Variants in ZNF396 observed in about 807,000 individuals in gnomAD.
The protein encoded by ZNF396 is zinc finger and SCAN domain-containing protein 14.
A neutral mutation model predicts 20.5 loss-of-function variants in ZNF396; 14 were observed. The ratio of observed to expected loss-of-function variants is 0.68; its 90% confidence interval spans 0.45 to 1.07. ZNF396 has a LOEUF of 1.07. Among genes scored for constraint, ZNF396 ranks in the 50% least tolerant of loss-of-function variants. The pLI is 0.00. For missense variants in ZNF396, 347 were observed against 390.1 expected, an observed-to-expected ratio of 0.89 and a Z score of 0.93; for synonymous variants, 119 against 140.6, an observed-to-expected ratio of 0.85 and a Z score of 1.08.
rs370731588 is a variant in ZNF396 at position 35,376,992 on chromosome 18, G to A, written c.-73+286C>T. Among the ~76,000 whole-genome samples, 1,015 of 152,242 alleles carry A rather than the reference G, an allele frequency of 6.7e-3. 46 individuals are homozygous for A. The highest frequency in any genetic ancestry group is 0.049 in the Admixed American group (746 of 15,298). On this transcript the variant is annotated intron_variant, in intron 1 of 3. Coordinates refer to ENST00000589332, the MANE Select transcript of ZNF396 (RefSeq NM_001322286.2). ...ACCGCGCCGCGCCGCGCGCCTCCCAGGCTGGGAACCGCCGGGGCGAAGCGG... is the reference window on the plus strand; with the variant it reads ...ACCGCGCCGCGCCGCGCGCCTCCCAAGCTGGGAACCGCCGGGGCGAAGCGG...
chr18:35,368,721 G>C lies in ZNF396; in HGVS notation c.*494C>G. ...CCTGCCTCGGCCTCCCAAAGTGCTA[G>C]GATTACAGGCATGAGCCAACCGCAC... On this transcript the variant is annotated 3_prime_UTR_variant, in exon 4 of 4. Coordinates refer to ENST00000589332, the MANE Select transcript of ZNF396 (RefSeq NM_001322286.2). The C allele has an allele frequency of 2.0e-6, 2 of 987,066 alleles. No individual in the cohort carries two copies. Among genetic ancestry groups the C allele is most frequent in the Non-Finnish European group, 2.4e-6 (2 of 830,914 alleles). 61.1% of individuals were successfully genotyped at this position (987,066 alleles called of 1,614,324 possible). A position where few individuals can be genotyped will look rare whatever the true frequency, so the allele number is the denominator to read the frequency against.
At chr18:35,369,721 TGATTATTGCTA>T in intron 3 of ZNF396, 61 bp from the exon 4 acceptor site, 1 of 1,455,248 alleles carries the variant, frequency 6.9e-7, no homozygotes, top group Non-Finnish European at 9.2e-7. Context: ...GAAATATACA[TGATTATTGCTA>T]GCATGTTTAT....
chr18:35,368,368 G>C lies in ZNF396; in HGVS notation c.*847C>G, dbSNP rs140572130. ...GCCTTTATTTATCTGCCTCCTGAAA[G>C]TGACCTGGGGCACTTCAGCCTAGTC... On this transcript the variant is annotated 3_prime_UTR_variant, in exon 4 of 4. Coordinates refer to ENST00000589332, the MANE Select transcript of ZNF396 (RefSeq NM_001322286.2). The C allele has an allele frequency of 4.1e-6, 6 of 1,450,712 alleles. No individual in the cohort carries two copies. The African/African-American group carries it at 7.2e-5, about 17-fold the overall frequency. The allele number at this position is 1,450,712 out of a possible 1,614,324, so 89.9% of individuals were successfully genotyped here.
rs1373853527 is a variant in ZNF396 at position 35,366,799 on chromosome 18, T to C, written c.*2416A>G. The C allele has an allele frequency of 3.3e-5, 5 of 152,216 alleles. No individual in the cohort carries two copies. The highest frequency in any genetic ancestry group is 7.2e-5 in the African/African-American group (3 of 41,446). The allele number at this position is 152,216 out of a possible 1,614,324, so 9.4% of individuals were successfully genotyped here. Reference sequence around the variant, plus strand: ...CAATGAATTCTCCTTTTATATAAACTAGTACCATTCACTCATTAGGATACC... The same window carrying C: ...CAATGAATTCTCCTTTTATATAAACCAGTACCATTCACTCATTAGGATACC... On this transcript the variant is annotated 3_prime_UTR_variant, in exon 4 of 4. Transcript: ENST00000589332.
Position 35,367,463 on chromosome 18 carries a change from C to A in ZNF396, c.*1752G>T, listed in dbSNP as rs746747617. On this transcript the variant is annotated 3_prime_UTR_variant, in exon 4 of 4. Transcript: ENST00000589332. ...CCAGACAAAGAAGTTTACTATGAGT[C>A]TCTTCCCTTATTCCAAGGACTTTGA... 1.3e-5 allele frequency: 2 copies of A among 152,202 alleles called. No homozygotes were observed. Among genetic ancestry groups the A allele is most frequent in the Non-Finnish European group, 1.5e-5 (1 of 68,034 alleles). The allele number at this position is 152,202 out of a possible 1,614,324, so 9.4% of individuals were successfully genotyped here.
Position 35,374,942 on chromosome 18 carries a change from T to G in ZNF396, c.-72-578A>C, listed in dbSNP as rs2045236773. On this transcript the variant is annotated intron_variant, in intron 1 of 3. Transcript: ENST00000589332. This position sits in a 1 kb window ranked among gnomAD's most constrained non-coding sequence, Gnocchi z 4.3. ...ATTACAATAAGAGATCAGCCAGGAT[T>G]GCATAGAAGCTCCCAGATAATGGAA... The G allele has an allele frequency of 6.6e-6, 1 of 152,204 alleles. No homozygotes were observed. Among genetic ancestry groups the G allele is most frequent in the South Asian group, 2.1e-4 (1 of 4,828 alleles). The allele number at this position is 152,204 out of a possible 1,614,324, so 9.4% of individuals were successfully genotyped here. A position where few individuals can be genotyped will look rare whatever the true frequency, so the allele number is the denominator to read the frequency against.
Position 35,374,269 on chromosome 18 carries a change from T to A in ZNF396, c.24A>T (p.Ser8=), listed in dbSNP as rs1268416642. Residue 8 remains serine (S), a synonymous_variant, in exon 2 of 4, where the codon TCA becomes TCT. Coordinates refer to ENST00000589332, the MANE Select transcript of ZNF396 (RefSeq NM_001322286.2). The surrounding 1 kb of genome is among the most constrained non-coding windows in gnomAD (Gnocchi z 4.3). MSAKLGK[S]SSLLTQTSEE... ...CTGAAGTTTGTGTTAGGAGTGATGA[T>A]GACTTTCCCAATTTTGCAGACATTT... 1 of 1,613,952 alleles carries A rather than the reference T, an allele frequency of 6.2e-7. No homozygotes were observed. Among genetic ancestry groups the A allele is most frequent in the African/African-American group, 1.3e-5 (1 of 75,064 alleles).
chr18:35,368,270 TA>T lies in ZNF396; in HGVS notation c.*944del, dbSNP rs1228931737. 14 of 756,550 alleles carry T rather than the reference TA, an allele frequency of 1.9e-5. No individual in the cohort carries two copies. The African/African-American group carries it at 2.5e-4, about 14-fold the overall frequency. 46.9% of individuals were successfully genotyped at this position (756,550 alleles called of 1,614,324 possible). ...TTCCAAATTACATTGCAAAGGAGAT[TA>T]TTTTTTTCCAACACGGGAAATTAAC... On this transcript the variant is annotated 3_prime_UTR_variant, in exon 4 of 4. Coordinates refer to ENST00000589332, the MANE Select transcript of ZNF396 (RefSeq NM_001322286.2).
At position 35,368,527 on chromosome 18, in the gene ZNF396, A is replaced by T; in HGVS notation, c.*688T>A. 1.7e-6 allele frequency: 1 copy of T among 573,878 alleles called. No individual in the cohort carries two copies. Among genetic ancestry groups the T allele is most frequent in the Non-Finnish European group, 2.2e-6 (1 of 449,364 alleles). The allele number at this position is 573,878 out of a possible 1,614,324, so 35.5% of individuals were successfully genotyped here. A position where few individuals can be genotyped will look rare whatever the true frequency, so the allele number is the denominator to read the frequency against. ...ATTTATTTATTTATTTTAAAGACGG[A>T]GTCTTGCTCTGTCTGAGCGGTTCAA... On this transcript the variant is annotated 3_prime_UTR_variant, in exon 4 of 4. Transcript: ENST00000589332.
Position 35,368,482 on chromosome 18 carries a change from T to TTTTATTTATTCATTTA in ZNF396, c.*732_*733insTAAATGAATAAATAAA. On this transcript the variant is annotated 3_prime_UTR_variant, in exon 4 of 4. Coordinates refer to ENST00000589332, the MANE Select transcript of ZNF396 (RefSeq NM_001322286.2). ...AGACAAAATAGGAATTTATTTTTATTTTTATTTATTTATTTATTTATTTAT... is the reference window on the plus strand; with the variant it reads ...AGACAAAATAGGAATTTATTTTTATTTTTATTTATTCATTTATTTATTTATTTATTTATTTATTTAT... 1 of 338,396 alleles carries TTTTATTTATTCATTTA rather than the reference T, an allele frequency of 3.0e-6. No individual in the cohort carries two copies. 21.0% of individuals were successfully genotyped at this position (338,396 alleles called of 1,614,324 possible).
rs1179320078 is a variant in ZNF396 at position 35,369,282 on chromosome 18, T to A, written c.941A>T (p.Lys314Ile). ...AAGATTTGAGCTCTGACTAAAGGCTTTGCCACAGTCATGACACTTGTAGGG... is the reference window on the plus strand; with the variant it reads ...AAGATTTGAGCTCTGACTAAAGGCTATGCCACAGTCATGACACTTGTAGGG... ...EKPYKCHDCG[K>I]AFSQSSNLFR... The change falls in exon 4 of 4, where the codon AAA (lysine) becomes ATA (isoleucine). Residue 314 changes from lysine (K) to isoleucine (I), a missense_variant. Physicochemically the swap from Lys to Ile is moderately radical, Grantham distance 102 (BLOSUM62 -3). Transcript: ENST00000589332. The A allele has an allele frequency of 6.2e-7, 1 of 1,613,932 alleles. No individual in the cohort carries two copies. Among genetic ancestry groups the A allele is most frequent in the Non-Finnish European group, 8.5e-7 (1 of 1,179,984 alleles).
At chr18:35,370,072 A>T (rs1368360177) in intron 3 of ZNF396, among the ~76,000 whole-genome samples, 1 of 152,190 alleles carries the variant, frequency 6.6e-6, no homozygotes, top group Non-Finnish European at 1.5e-5. Context: ...TTCATAAAGG[A>T]ATCAGTAACT....
chr18:35,366,860 C>A lies in ZNF396; in HGVS notation c.*2355G>T, dbSNP rs553421877. ...CAAAATAATTCAAAGTACACAGAGACACCCTTTAAAGATTCATCATATACT... is the reference window on the plus strand; with the variant it reads ...CAAAATAATTCAAAGTACACAGAGAAACCCTTTAAAGATTCATCATATACT... On this transcript the variant is annotated 3_prime_UTR_variant, in exon 4 of 4. Coordinates refer to ENST00000589332, the MANE Select transcript of ZNF396 (RefSeq NM_001322286.2). 6.6e-6 allele frequency: 1 copy of A among 152,290 alleles called. No homozygotes were observed. The highest frequency in any genetic ancestry group is 2.4e-5 in the African/African-American group (1 of 41,550). The allele number at this position is 152,290 out of a possible 1,614,324, so 9.4% of individuals were successfully genotyped here.
chr18:35,369,411 C>A lies in ZNF396; in HGVS notation c.812G>T (p.Arg271Ile), dbSNP rs753172094. The A allele has an allele frequency of 8.1e-6, 13 of 1,614,074 alleles. No homozygotes were observed. The South Asian group carries it at 1.4e-4, about 18-fold the overall frequency. ...SQSSALILHQRIHSGKKPYAC... is the reference protein window; with the variant it reads ...SQSSALILHQIIHSGKKPYAC... ...ATAAGGTTTCTTTCCACTGTGGATT[C>A]TCTGATGTAAAATAAGGGCTGAGCT... Residue 271 changes from arginine to isoleucine, a missense_variant, in exon 4 of 4, where the codon AGA becomes ATA. Physicochemically the swap from Arg to Ile is moderately conservative, Grantham distance 97 (BLOSUM62 -3). Transcript: ENST00000589332.
At chr18:35,373,784 A>C (rs1441151218) in intron 2 of ZNF396, 92 bp downstream of exon 2, 4 of 1,522,618 alleles carry the variant, frequency 2.6e-6, no homozygotes, top group Non-Finnish European at 3.5e-6. Context: ...AGTTGTGCTG[A>C]GTGGGAATAC....
Position 35,368,973 on chromosome 18 carries a change from G to A in ZNF396, c.*242C>T. ...AGAATGCCTTTTCAAGGCCTGCATA[G>A]GGATGGAAATCTGAATTAAGCTTTG... On this transcript the variant is annotated 3_prime_UTR_variant, in exon 4 of 4. Coordinates refer to ENST00000589332, the MANE Select transcript of ZNF396 (RefSeq NM_001322286.2). 7.7e-7 allele frequency: 1 copy of A among 1,293,708 alleles called. No homozygotes were observed. The highest frequency in any genetic ancestry group is 9.8e-7 in the Non-Finnish European group (1 of 1,024,830). The allele number at this position is 1,293,708 out of a possible 1,614,324, so 80.1% of individuals were successfully genotyped here.
chr18:35,373,534 A>G lies in ZNF396; in HGVS notation c.484T>C (p.Leu162=), dbSNP rs746462038. The G allele has an allele frequency of 1.4e-5, 23 of 1,614,064 alleles. No homozygotes were observed. Among genetic ancestry groups the G allele is most frequent in the Middle Eastern group, 3.3e-4 (2 of 6,084 alleles). The part of the protein sequence containing the change: ...KLAPSEITEE[L]PSSQLMPVKK... ...ACGGGCATGAGCTGGCTACTTGGCA[A>G]TTCCTCAGTGATTTCTGAAGGTGCT... Residue 162 remains leucine, a synonymous_variant, in exon 3 of 4, where the codon TTG becomes CTG. Coordinates refer to ENST00000589332, the MANE Select transcript of ZNF396 (RefSeq NM_001322286.2).
chr18:35,377,214 C>T (rs1302126309), intron 1 of ZNF396, 64 bp downstream of exon 1: 1 of 152,652 alleles, frequency 6.6e-6, no homozygotes, highest in Non-Finnish European at 1.5e-5. Flanking sequence ...GTCCCCCTTC[C>T]ACCACCCGGG....
chr18:35,374,030 T>A lies in ZNF396; in HGVS notation c.263A>T (p.Lys88Met). 6.2e-7 allele frequency: 1 copy of A among 1,614,242 alleles called. No homozygotes were observed. The highest frequency in any genetic ancestry group is 8.5e-7 in the Non-Finnish European group (1 of 1,180,038). Residue 88 changes from lysine to methionine, a missense_variant, in exon 2 of 4, where the codon AAG becomes ATG. Transcript: ENST00000589332. This position sits in a 1 kb window ranked among gnomAD's most constrained non-coding sequence, Gnocchi z 4.3. Reference protein sequence around the residue: ...HLWLRPEVHTKEQILELLVLE... With the variant: ...HLWLRPEVHTMEQILELLVLE... Reference sequence around the variant, plus strand: ...CACCAGCAGCTCCAGGATCTGCTCCTTGGTGTGCACTTCCGGCCTCAGCCA... The same window carrying A: ...CACCAGCAGCTCCAGGATCTGCTCCATGGTGTGCACTTCCGGCCTCAGCCA...
Sources: allele counts gnomAD v4.1 joint callset (sites outside exome capture counted in the v4.1 genomes callset), GRCh38; gene constraint gnomAD v4.1.1; non-coding constraint Gnocchi (gnomAD v3.1); transcripts MANE v1.5; gene names NCBI Gene and HGNC (gene_info 2026-07-23, HGNC 2026-07-21).